Variants in RABGAP1L observed in about 807,000 individuals in gnomAD.
The protein encoded by RABGAP1L is rab GTPase-activating protein 1-like.
Under a neutral mutation model 137.7 loss-of-function variants are expected in RABGAP1L, and 63 were observed. The observed-to-expected ratio is 0.46, with a 90% CI of 0.37 to 0.56. The LOEUF is 0.56. RABGAP1L is among the 20% of genes least tolerant of loss of function. The pLI is 0.00. For synonymous variants in RABGAP1L, 431 were observed against 433.7 expected (o/e 0.99, Z 0.08); for missense variants, 1,095 against 1,244.0 (o/e 0.88, Z 1.80).
rs931751453 is a variant in RABGAP1L at position 174,380,574 on chromosome 1, G to A, written c.1559+9502G>A. Among the ~76,000 whole-genome samples, 14 of 152,128 alleles carry A rather than the reference G, an allele frequency of 9.2e-5. No homozygotes were observed. In the East Asian group the frequency reaches 1.2e-3, roughly 13 times the overall value. On this transcript the variant is annotated intron_variant, in intron 12 of 25. Coordinates refer to ENST00000681986, the MANE Select transcript of RABGAP1L (RefSeq NM_001366446.1). ...CTTCTAGATTTTCTAGTTTATTTGCGTAGAGGTGTTTGTAGTATTCTCTGA... is the reference window on the plus strand; with the variant it reads ...CTTCTAGATTTTCTAGTTTATTTGCATAGAGGTGTTTGTAGTATTCTCTGA...
chr1:174,548,404 A>T (rs1208224787), intron 13 of RABGAP1L: 2 of 978,636 alleles, frequency 2.0e-6, no homozygotes, highest in African/African-American at 1.7e-5. Flanking sequence ...ATAAGTGGAA[A>T]TAATGAAGAA....
chr1:174,239,398 C>T (rs776465041), intron 4 of RABGAP1L, among the ~76,000 whole-genome samples: 21 of 152,296 alleles, frequency 1.4e-4, no homozygotes, highest in Admixed American at 3.9e-4. Context: ...TCTTATAGGA[C>T]TTACCAGTCA....
chr1:174,958,512 C>T (rs111580041), intron 20 of RABGAP1L, among the ~76,000 whole-genome samples: 5 of 152,330 alleles, frequency 3.3e-5, no homozygotes, highest in African/African-American at 1.2e-4. Flanking sequence ...CAGCACTGAG[C>T]AGCAGTGCCA....
chr1:174,849,064 C>T (rs1038713373), intron 19 of RABGAP1L, among the ~76,000 whole-genome samples: 7 of 152,238 alleles, frequency 4.6e-5, no homozygotes, highest in Non-Finnish European at 8.8e-5. Context: ...CCAGGTGAGG[C>T]AATGCCTCGC....
chr1:174,952,064 G>A lies in RABGAP1L; in HGVS notation c.2341-5393G>A, dbSNP rs1667786381. ...AGTTCTTTTCAAGTTACTACAGTGAGTTTCAAATTTGTTATTTAAGAGTTC... is the reference window on the plus strand; with the variant it reads ...AGTTCTTTTCAAGTTACTACAGTGAATTTCAAATTTGTTATTTAAGAGTTC... On this transcript the variant is annotated intron_variant, in intron 19 of 25. Coordinates refer to ENST00000681986, the MANE Select transcript of RABGAP1L (RefSeq NM_001366446.1). Among the ~76,000 whole-genome samples, 4 of 152,144 alleles carry A rather than the reference G, an allele frequency of 2.6e-5. No individual in the cohort carries two copies. The South Asian group carries it at 8.3e-4, about 32-fold the overall frequency.
chr1:174,696,750 A>T (rs1679290602), intron 15 of RABGAP1L, among the ~76,000 whole-genome samples: 2 of 152,214 alleles, frequency 1.3e-5, no homozygotes, highest in Admixed American at 1.3e-4. Flanking sequence ...GGGATAGGAT[A>T]GGTGTGGTGT....
intron 19 of RABGAP1L, among the ~76,000 whole-genome samples, chr1:174,825,783 C>T (rs188134686): frequency 3.3e-5 from 5 of 152,240 alleles, no homozygotes; most frequent in East Asian, 1.9e-4. Flanking sequence ...AATCCCAACT[C>T]GGGAGGCTGA....
At chr1:174,844,307 T>A (rs1693817090) in intron 19 of RABGAP1L, among the ~76,000 whole-genome samples, 1 of 128,966 alleles carries the variant, frequency 7.8e-6, no homozygotes, top group Non-Finnish European at 1.6e-5. Flanking sequence ...CCCACACCTA[T>A]GTCCTGAATG....
In RABGAP1L at chr1:174,882,911, C is replaced by T. The variant is rs572748367; in HGVS notation, c.2340+70951C>T. On this transcript the variant is annotated intron_variant, in intron 19 of 25. Transcript: ENST00000681986. ...CTTGATCTCTGCTCACTGCAACCTCCGCCTCCCAGGTTCAAACAATTCTGC... is the reference window on the plus strand; with the variant it reads ...CTTGATCTCTGCTCACTGCAACCTCTGCCTCCCAGGTTCAAACAATTCTGC... 8.1e-4 allele frequency among the ~76,000 whole-genome samples: 124 copies of T among 152,178 alleles called. 2 individuals carry two copies. In the South Asian group the frequency reaches 0.021, roughly 26 times the overall value.
At chr1:174,966,982 C>A (rs912812961) in intron 20 of RABGAP1L, among the ~76,000 whole-genome samples, 1 of 151,754 alleles carries the variant, frequency 6.6e-6, no homozygotes, top group Non-Finnish European at 1.5e-5. Flanking sequence ...AATATATATT[C>A]ATTGTAGAAA....
At chr1:174,167,377 G>A (rs56713956) in intron 1 of RABGAP1L, among the ~76,000 whole-genome samples, 2,069 of 152,214 alleles carry the variant, frequency 0.014, 59 homozygotes, top group African/African-American at 0.048. Flanking sequence ...TACACATAGT[G>A]TGCATATATG....
At chr1:174,378,711 G>A (rs1252435837) in intron 12 of RABGAP1L, among the ~76,000 whole-genome samples, 9 of 151,286 alleles carry the variant, frequency 5.9e-5, no homozygotes, top group South Asian at 2.1e-4. Flanking sequence ...AGTAGGTTGC[G>A]AAAATTTTCT....
At chr1:174,677,148 C>A (rs1270878546) in intron 14 of RABGAP1L, among the ~76,000 whole-genome samples, 1 of 84,342 alleles carries the variant, frequency 1.2e-5, no homozygotes, top group Non-Finnish European at 2.3e-5. Context: ...ATAGTGAGAC[C>A]CCATCTCTAC....
At chr1:174,511,325 C>G (rs557252681) in intron 13 of RABGAP1L, among the ~76,000 whole-genome samples, 1 of 152,206 alleles carries the variant, frequency 6.6e-6, no homozygotes, top group East Asian at 1.9e-4. Context: ...AACATAGGTG[C>G]TGATAAATAT....
At chr1:174,331,721 C>T (rs570260937) in intron 11 of RABGAP1L, among the ~76,000 whole-genome samples, 1 of 152,122 alleles carries the variant, frequency 6.6e-6, no homozygotes, top group East Asian at 1.9e-4. Flanking sequence ...TACACGTGCA[C>T]AACGTGCAGG....
chr1:174,352,147 G>A (rs1250835045), intron 11 of RABGAP1L, among the ~76,000 whole-genome samples: 2 of 152,102 alleles, frequency 1.3e-5, no homozygotes, highest in African/African-American at 4.8e-5. Flanking sequence ...TACACATTCT[G>A]CAACTGATCT....
chr1:174,160,852 G>T (rs1664380526), intron 1 of RABGAP1L, among the ~76,000 whole-genome samples: 1 of 152,192 alleles, frequency 6.6e-6, no homozygotes, highest in South Asian at 2.1e-4. Flanking sequence ...AGATACGGAT[G>T]TGAAGTTTGC....
intron 13 of RABGAP1L, among the ~76,000 whole-genome samples, chr1:174,411,373 A>T (rs1158131210): frequency 6.6e-6 from 1 of 152,062 alleles, no homozygotes; most frequent in Non-Finnish European, 1.5e-5. Flanking sequence ...TGGGTTTGTC[A>T]TGAATGGTTC....
intron 19 of RABGAP1L, among the ~76,000 whole-genome samples, chr1:174,851,968 TAG>T (rs943670941): frequency 6.6e-6 from 1 of 152,244 alleles, no homozygotes; most frequent in Non-Finnish European, 1.5e-5. Flanking sequence ...TTAGTTTTTC[TAG>T]AGTTTCACTT....
Sources: gnomAD v4.1 joint callset for allele counts (sites outside exome capture counted in the v4.1 genomes callset) on GRCh38, gnomAD v4.1.1 for gene constraint, MANE v1.5 for transcripts, NCBI Gene and HGNC (gene_info 2026-07-23, HGNC 2026-07-21) for gene names.